The following SCTR variants were observed in gnomAD, a reference collection of about 807,000 sequenced individuals.
SCTR encodes the protein secretin receptor.
In SCTR, 56 loss-of-function variants were observed where a neutral mutation model predicts 60.8. The observed-to-expected ratio is 0.92, with a 90% CI of 0.74 to 1.15. SCTR has a LOEUF of 1.15. Among genes scored for constraint, SCTR ranks in the 50% most tolerant of loss-of-function variants. The pLI, the probability that SCTR is intolerant of heterozygous loss-of-function variation, is 0.00. For synonymous variants in SCTR, 202 were observed against 217.0 expected, an observed-to-expected ratio of 0.93 and a Z score of 0.61; for missense variants, 562 against 550.4, an observed-to-expected ratio of 1.02 and a Z score of -0.21.
intron 1 of SCTR, among the ~76,000 whole-genome samples, chr2:119,510,359 A>T (rs1678892691): frequency 6.6e-6 from 1 of 152,204 alleles, no homozygotes; most frequent in Admixed American, 6.5e-5. Context: ...CAGGAATGTC[A>T]TTCTGCTGAG....
chr2:119,450,923 A>G (rs554778839), intron 9 of SCTR, among the ~76,000 whole-genome samples: 38 of 152,384 alleles, frequency 2.5e-4, no homozygotes, highest in African/African-American at 8.7e-4. Flanking sequence ...GGGTTGCGCC[A>G]CTGCGCTCCA....
chr2:119,517,460 T>C (rs1369740337), intron 1 of SCTR, among the ~76,000 whole-genome samples: 3 of 152,198 alleles, frequency 2.0e-5, no homozygotes. Context: ...GTGCTTAGTC[T>C]ACAATTTTTA....
At position 119,478,930 on chromosome 2, in the gene SCTR, A is replaced by C. The variant is rs1390782886; in HGVS notation, c.194-12T>G. On this transcript the variant is annotated splice_polypyrimidine_tract_variant and intron_variant, in intron 2 of 12. Coordinates refer to ENST00000019103, the MANE Select transcript of SCTR (RefSeq NM_002980.3). ...CATCCCCTCACAACCTGCCAAGAAA[A>C]GCAGCATCAGACAAGGATGGGGGAT... The C allele has an allele frequency of 6.2e-7, 1 of 1,613,902 alleles. No individual in the cohort carries two copies.
chr2:119,463,290 T>C (rs186506501), intron 6 of SCTR, among the ~76,000 whole-genome samples: 1 of 152,328 alleles, frequency 6.6e-6, no homozygotes. Flanking sequence ...TAGGAGTTTC[T>C]GGGGAAGGTG....
intron 12 of SCTR, among the ~76,000 whole-genome samples, chr2:119,440,578 G>A (rs1253151319): frequency 1.3e-5 from 2 of 152,244 alleles, no homozygotes; most frequent in South Asian, 2.1e-4. Flanking sequence ...CCCCCAGGCT[G>A]AGAGGAAAAG....
intron 7 of SCTR, among the ~76,000 whole-genome samples, chr2:119,457,035 G>A (rs528094739): frequency 6.6e-6 from 1 of 152,300 alleles, no homozygotes; most frequent in South Asian, 2.1e-4. Context: ...CCAGAACTGT[G>A]AGAGAGTAAA....
At chr2:119,521,991 C>T (rs1221446056) in intron 1 of SCTR, among the ~76,000 whole-genome samples, 1 of 152,166 alleles carries the variant, frequency 6.6e-6, no homozygotes, top group African/African-American at 2.4e-5. Flanking sequence ...GGCAGTAATG[C>T]ACATTTGAAA....
chr2:119,458,296 A>G (rs1037700622), intron 7 of SCTR, among the ~76,000 whole-genome samples: 3 of 142,182 alleles, frequency 2.1e-5, no homozygotes, highest in Non-Finnish European at 4.6e-5. Context: ...ACAAAGAGAG[A>G]CCCTATCTTG....
rs114600892 is a variant in SCTR, at chr2:119,517,518, G to A, written c.72+6637C>T. On this transcript the variant is annotated intron_variant, in intron 1 of 12. Transcript: ENST00000019103. ...AAGAATCCAGTGAATGTGGCAAATC[G>A]AAGGGCACTGGTGAGGCTGGTTTCT... Among the ~76,000 whole-genome samples the A allele has an allele frequency of 5.3e-3, 805 of 152,272 alleles. 14 individuals carry two copies. Among genetic ancestry groups the A allele is most frequent in the African/African-American group, 0.019 (772 of 41,566 alleles).
At chr2:119,477,238 G>A (rs1240259829) in intron 3 of SCTR, among the ~76,000 whole-genome samples, 1 of 152,146 alleles carries the variant, frequency 6.6e-6, no homozygotes, top group African/African-American at 2.4e-5. Flanking sequence ...TTCTAGCCGA[G>A]GGAATGTGGG....
intron 9 of SCTR, among the ~76,000 whole-genome samples, chr2:119,451,611 A>G (rs978937934): frequency 6.6e-6 from 1 of 152,074 alleles, no homozygotes; most frequent in African/African-American, 2.4e-5. Context: ...CACCCTCTTC[A>G]GTGATCTCAG....
chr2:119,512,573 T>G (rs542014670), intron 1 of SCTR, among the ~76,000 whole-genome samples: 4 of 149,178 alleles, frequency 2.7e-5, no homozygotes, highest in Non-Finnish European at 5.9e-5. Context: ...ATTTTTGTAT[T>G]TTTAGTAGAG....
intron 1 of SCTR, among the ~76,000 whole-genome samples, chr2:119,518,584 C>G (rs969644065): frequency 2.0e-5 from 3 of 152,120 alleles, no homozygotes; most frequent in East Asian, 1.9e-4. Context: ...TGGGTGGGCC[C>G]CAGGAGTCCA....
At chr2:119,519,851 G>GAAAAAAAA (rs71297142) in intron 1 of SCTR, among the ~76,000 whole-genome samples, 1 of 131,090 alleles carries the variant, frequency 7.6e-6, no homozygotes, top group East Asian at 2.3e-4. Flanking sequence ...GAAAAACAAA[G>GAAAAAAAA]AAAAAAAAAA....
intron 11 of SCTR, among the ~76,000 whole-genome samples, chr2:119,446,286 TAA>T (rs1682921929): frequency 6.6e-6 from 1 of 152,100 alleles, no homozygotes; most frequent in Non-Finnish European, 1.5e-5. Context: ...TAACTGCTTC[TAA>T]AAAATATGCT....
intron 1 of SCTR, among the ~76,000 whole-genome samples, chr2:119,497,942 AAG>A (rs1458494724): frequency 6.6e-6 from 1 of 152,148 alleles, no homozygotes; most frequent in Non-Finnish European, 1.5e-5. Context: ...GGAGAGGAGA[AAG>A]AGGGTGGAGT....
intron 4 of SCTR, among the ~76,000 whole-genome samples, chr2:119,468,734 G>C (rs1650898295): frequency 6.6e-6 from 1 of 152,212 alleles, no homozygotes; most frequent in Non-Finnish European, 1.5e-5. Context: ...ACGTGGGAAT[G>C]TTTGGAGAGG....
At chr2:119,475,839 G>A (rs944372499) in intron 3 of SCTR, among the ~76,000 whole-genome samples, 3 of 151,746 alleles carry the variant, frequency 2.0e-5, no homozygotes, top group Non-Finnish European at 2.9e-5. Flanking sequence ...AAGCATGACC[G>A]CTTTAAGGCC....
At position 119,454,524 on chromosome 2, in the gene SCTR, A is replaced by G. The variant is rs79405854; in HGVS notation, c.791-1177T>C. Among the ~76,000 whole-genome samples the G allele has an allele frequency of 4.2e-3, 640 of 152,264 alleles. 14 individuals carry two copies. The East Asian group carries it at 0.048, about 11-fold the overall frequency. On this transcript the variant is annotated intron_variant, in intron 7 of 12. Coordinates refer to ENST00000019103, the MANE Select transcript of SCTR (RefSeq NM_002980.3). Reference sequence around the variant, plus strand: ...CTGAGTTGGGCACTAAGTGCAAGATAGATACCATATTTTGAAGACTTGGTA... The same window carrying G: ...CTGAGTTGGGCACTAAGTGCAAGATGGATACCATATTTTGAAGACTTGGTA...
Sources: gnomAD v4.1 joint callset for allele counts (sites outside exome capture counted in the v4.1 genomes callset) on GRCh38, gnomAD v4.1.1 for gene constraint, MANE v1.5 for transcripts, NCBI Gene and HGNC (gene_info 2026-07-23, HGNC 2026-07-21) for gene names.